Variants in MTA3 observed in about 807,000 individuals in gnomAD.
MTA3 encodes metastasis associated 1 family member 3, also known as metastasis-associated protein MTA3.
A neutral mutation model predicts 83.5 loss-of-function variants in MTA3; 34 were observed. The observed-to-expected ratio is 0.41, with a 90% CI of 0.31 to 0.54. MTA3 has a LOEUF of 0.54. MTA3 is among the 20% of genes least tolerant of loss of function. MTA3 has a pLI of 0.33. For missense variants in MTA3, 761 were observed against 726.4 expected (o/e 1.05, Z -0.55); for synonymous variants, 303 against 252.7 (o/e 1.20, Z -1.89).
intron 4 of MTA3, among the ~76,000 whole-genome samples, chr2:42,625,573 C>T (rs368266688): frequency 2.0e-5 from 3 of 149,752 alleles, no homozygotes; most frequent in Admixed American, 6.6e-5. Context: ...GGTGAAACCC[C>T]GTCTCTACTA....
chr2:42,726,565 C>G (rs544231020), intron 16 of MTA3, among the ~76,000 whole-genome samples: 10 of 152,074 alleles, frequency 6.6e-5, no homozygotes, highest in Non-Finnish European at 8.8e-5. Context: ...TCCATGTGTT[C>G]TCATTGTTCA....
chr2:42,592,026 G>A (rs1230475588), intron 3 of MTA3, among the ~76,000 whole-genome samples: 1 of 152,168 alleles, frequency 6.6e-6, no homozygotes, highest in Non-Finnish European at 1.5e-5. Flanking sequence ...CACTTTGGGG[G>A]GCTGAGGCTG....
At chr2:42,621,767 A>T (rs1248362829) in intron 4 of MTA3, among the ~76,000 whole-genome samples, 1 of 147,764 alleles carries the variant, frequency 6.8e-6, no homozygotes, top group Non-Finnish European at 1.5e-5. Context: ...GGGGCTCTTC[A>T]CTTCTCAGAC....
intron 16 of MTA3, among the ~76,000 whole-genome samples, chr2:42,731,415 T>C (rs1260833740): frequency 6.6e-6 from 1 of 152,226 alleles, no homozygotes; most frequent in African/African-American, 2.4e-5. Flanking sequence ...CAGTTCCATA[T>C]GCCTGGGGAA....
chr2:42,500,372 T>A (rs1350397815), intron 2 of MTA3, among the ~76,000 whole-genome samples: 1 of 151,860 alleles, frequency 6.6e-6, no homozygotes, highest in African/African-American at 2.4e-5. Context: ...GTACTCCAAC[T>A]TGGGTGACAG....
chr2:42,737,808 GT>G (rs972197317), intron 16 of MTA3, among the ~76,000 whole-genome samples: 12 of 152,282 alleles, frequency 7.9e-5, no homozygotes, highest in Admixed American at 2.6e-4. Context: ...CAAATCTAGT[GT>G]TTTTTCCACC....
At chr2:42,586,269 C>T (rs1236429215) in intron 3 of MTA3, among the ~76,000 whole-genome samples, 2 of 145,836 alleles carry the variant, frequency 1.4e-5, no homozygotes, top group Non-Finnish European at 3.0e-5. Context: ...AGTGAAACTC[C>T]ATCTCAAAAG....
chr2:42,684,254 G>T (rs1197136593), intron 9 of MTA3, among the ~76,000 whole-genome samples: 1 of 152,160 alleles, frequency 6.6e-6, no homozygotes, highest in Non-Finnish European at 1.5e-5. Context: ...TTTAAATTAT[G>T]AAAATAGAAT....
At chr2:42,609,376 A>G (rs6720277) in intron 3 of MTA3, 82 bp from the exon 4 acceptor site, 1,003,582 of 1,380,912 alleles carry the variant, frequency 0.73, 368,859 homozygotes, top group African/African-American at 0.92. Context: ...AATATTGAAT[A>G]AAATGTTGAT....
chr2:42,501,959 T>C (rs1674415602), intron 2 of MTA3, among the ~76,000 whole-genome samples: 1 of 152,054 alleles, frequency 6.6e-6, no homozygotes, highest in Admixed American at 6.6e-5. Context: ...GCCTGGGCAA[T>C]AGAGTGAGAC....
intron 2 of MTA3, among the ~76,000 whole-genome samples, chr2:42,516,163 C>T (rs1411020148): frequency 1.3e-5 from 2 of 151,994 alleles, no homozygotes; most frequent in Admixed American, 6.6e-5. Flanking sequence ...ATGATCTGCC[C>T]GCCTCAGCCT....
intron 9 of MTA3, among the ~76,000 whole-genome samples, chr2:42,693,793 T>C (rs1693127275): frequency 6.6e-6 from 1 of 152,052 alleles, no homozygotes; most frequent in South Asian, 2.1e-4. Context: ...ATCCCTTTAC[T>C]TTTCCATCTT....
intron 11 of MTA3, among the ~76,000 whole-genome samples, chr2:42,701,366 C>G (rs1665533191): frequency 6.8e-6 from 1 of 146,334 alleles, no homozygotes; most frequent in African/African-American, 2.5e-5. Flanking sequence ...GTGGAATGAT[C>G]CCTTGAGCCC....
intron 2 of MTA3, among the ~76,000 whole-genome samples, chr2:42,549,227 A>T (rs1676956140): frequency 7.4e-6 from 1 of 134,808 alleles, no homozygotes; most frequent in African/African-American, 2.7e-5. Flanking sequence ...TGTATATATT[A>T]TATATGTATA....
At chr2:42,721,711 G>A (rs1306620387) in intron 15 of MTA3, among the ~76,000 whole-genome samples, 1 of 152,088 alleles carries the variant, frequency 6.6e-6, no homozygotes, top group African/African-American at 2.4e-5. Flanking sequence ...AAGATATTTA[G>A]GATTCGAATA....
At chr2:42,734,470 CTTTTTTTTTT>C (rs3040123) in intron 16 of MTA3, among the ~76,000 whole-genome samples, 4 of 82,480 alleles carry the variant, frequency 4.8e-5, no homozygotes, top group Non-Finnish European at 8.9e-5. Context: ...ATCACGGGGC[CTTTTTTTTTT>C]TTTTTTTTTT....
intron 3 of MTA3, among the ~76,000 whole-genome samples, chr2:42,580,706 C>T (rs993152088): frequency 6.6e-6 from 1 of 152,122 alleles, no homozygotes; most frequent in Non-Finnish European, 1.5e-5. Flanking sequence ...AGCGATTCTC[C>T]TGCCTCCGCC....
In MTA3 at chr2:42,739,445, T is replaced by TAA. The variant is rs60704945; in HGVS notation, c.1760-13915_1760-13914dup. On this transcript the variant is annotated intron_variant, in intron 16 of 16. Transcript: ENST00000405094. Reference sequence around the variant, plus strand: ...CTTAATTTTAAAAATACTTTATTGCTAAAAAAAAAAAAAAAGCTAATGATC... The same window carrying TAA: ...CTTAATTTTAAAAATACTTTATTGCTAAAAAAAAAAAAAAAAAGCTAATGATC... Among the ~76,000 whole-genome samples, 444 of 138,538 alleles carry TAA rather than the reference T, an allele frequency of 3.2e-3. 2 individuals carry two copies. Among genetic ancestry groups the TAA allele is most frequent in the East Asian group, 3.7e-3 (18 of 4,900 alleles). The allele number at this position is 138,538 out of a possible 152,430, so 90.9% of individuals were successfully genotyped here.
intron 2 of MTA3, among the ~76,000 whole-genome samples, chr2:42,539,781 C>T (rs1176989449): frequency 6.6e-6 from 1 of 151,902 alleles, no homozygotes; most frequent in African/African-American, 2.4e-5. Flanking sequence ...CTATGTTGCC[C>T]AGGCTGGTCT....
Sources: gnomAD v4.1 joint callset for allele counts (sites outside exome capture counted in the v4.1 genomes callset) on GRCh38, gnomAD v4.1.1 for gene constraint, MANE v1.5 for transcripts, NCBI Gene and HGNC (gene_info 2026-07-23, HGNC 2026-07-21) for gene names.